The following WNT4 variants were observed in gnomAD, a reference collection of about 807,000 sequenced individuals.
The protein encoded by WNT4 is Wnt family member 4, also known as protein Wnt-4.
In WNT4, 16 loss-of-function variants were observed where a neutral mutation model predicts 34.5. The ratio of observed to expected loss-of-function variants is 0.46; its 90% confidence interval spans 0.31 to 0.70. WNT4 has a LOEUF of 0.70. Among genes scored for constraint, WNT4 ranks in the 30% least tolerant of loss-of-function variants. The pLI is 0.04. For synonymous variants in WNT4, 200 were observed against 211.9 expected, an observed-to-expected ratio of 0.94 and a Z score of 0.49; for missense variants, 379 against 495.9, an observed-to-expected ratio of 0.76 and a Z score of 2.24.
chr1:22,134,873 GC>G lies in WNT4; in HGVS notation c.78-5023del, dbSNP rs1181380916. On this transcript the variant is annotated intron_variant, in intron 1 of 4. Coordinates refer to ENST00000290167, the MANE Select transcript of WNT4 (RefSeq NM_030761.5). The surrounding 1 kb of genome is among the most constrained non-coding windows in gnomAD (Gnocchi z 4.1). Reference sequence around the variant, plus strand: ...TGTGTTTTTTTGCTTGGGTCTCTTGGCCCTCTTAGTCCTGGGTTCCCAGTCT... The same window carrying G: ...TGTGTTTTTTTGCTTGGGTCTCTTGGCCTCTTAGTCCTGGGTTCCCAGTCT... 2.0e-5 allele frequency among the ~76,000 whole-genome samples: 3 copies of G among 152,052 alleles called. No homozygotes were observed. Among genetic ancestry groups the G allele is most frequent in the African/African-American group, 4.8e-5 (2 of 41,374 alleles).
rs754285206 is a variant in WNT4 at position 22,142,311 on chromosome 1, C to G, written c.77+535G>C. ...GCCCTGGGAGACCAGGCGTCCTGGT[C>G]CCTTCCTTCTGTCTCCGGCTCCCGC... On this transcript the variant is annotated intron_variant, in intron 1 of 4. Transcript: ENST00000290167. This position sits in a 1 kb window ranked among gnomAD's most constrained non-coding sequence, Gnocchi z 6.0. Among the ~76,000 whole-genome samples the G allele has an allele frequency of 4.6e-5, 7 of 152,078 alleles. No homozygotes were observed. The highest frequency in any genetic ancestry group is 2.6e-4 in the Admixed American group (4 of 15,284).
chr1:22,130,610 A>C (rs1645975930), intron 1 of WNT4, among the ~76,000 whole-genome samples: 1 of 152,252 alleles, frequency 6.6e-6, no homozygotes, highest in African/African-American at 2.4e-5. Flanking sequence ...GAAGCTGCAC[A>C]AATTTCTTGT....
rs568800348 is a variant in WNT4, at chr1:22,120,737, G to A, written c.589-220C>T. Among the ~76,000 whole-genome samples, 68 of 152,338 alleles carry A rather than the reference G, an allele frequency of 4.5e-4. 1 individual carries two copies. In the South Asian group the frequency reaches 0.012, roughly 26 times the overall value. On this transcript the variant is annotated intron_variant, in intron 4 of 4. Transcript: ENST00000290167. ...CCCTGCACTTGGGGCACTGGGAGTT[G>A]AAGAAAGAGAAGCACTAAGGGTGGT...
chr1:22,127,246 C>A, intron 2 of WNT4: 1 of 496,880 alleles, frequency 2.0e-6, no homozygotes. Context: ...GAGCAGGTAC[C>A]ACCCAGGCCT....
chr1:22,135,397 C>T (rs954805634), intron 1 of WNT4, among the ~76,000 whole-genome samples: 8 of 152,222 alleles, frequency 5.3e-5, no homozygotes, highest in Admixed American at 3.9e-4. Context: ...GATTTGAAAA[C>T]GGGTCACTCT....
In WNT4 at chr1:22,119,941, G is replaced by C. The variant is rs1645879785; in HGVS notation, c.*109C>G. The stretch of plus-strand genomic sequence containing the variant: ...ACATGAGGACCCAAAAACCAAACCA[G>C]AACAAAAAATACAACCAGTATCTCT... On this transcript the variant is annotated 3_prime_UTR_variant, in exon 5 of 5. Transcript: ENST00000290167. 7.1e-7 allele frequency: 1 copy of C among 1,411,176 alleles called. No individual in the cohort carries two copies. Among genetic ancestry groups the C allele is most frequent in the South Asian group, 1.3e-5 (1 of 78,372 alleles). The allele number at this position is 1,411,176 out of a possible 1,614,324, so 87.4% of individuals were successfully genotyped here.
chr1:22,127,906 G>A (rs2124115155), intron 2 of WNT4, among the ~76,000 whole-genome samples: 1 of 152,330 alleles, frequency 6.6e-6, no homozygotes, highest in East Asian at 1.9e-4. Context: ...ATATGCAAAG[G>A]GAGGAGTGAG....
At chr1:22,141,179 G>C (rs1344224452) in intron 1 of WNT4, among the ~76,000 whole-genome samples, 1 of 152,228 alleles carries the variant, frequency 6.6e-6, no homozygotes, top group Non-Finnish European at 1.5e-5. Context: ...TCAAAGATGA[G>C]ATGTTCCTGA....
intron 1 of WNT4, 40 bp from the exon 2 acceptor site, chr1:22,129,891 C>T (rs1186516026): frequency 6.2e-7 from 1 of 1,607,898 alleles, no homozygotes; most frequent in Non-Finnish European, 8.5e-7. Flanking sequence ...CCCACCTCCT[C>T]ATCTTTCCTG....
intron 2 of WNT4, among the ~76,000 whole-genome samples, chr1:22,124,092 C>T (rs911596109): frequency 1.3e-5 from 2 of 152,204 alleles, no homozygotes; most frequent in Non-Finnish European, 2.9e-5. Flanking sequence ...GAGCCCTGCT[C>T]GCTCGAGGAG....
chr1:22,140,365 G>T lies in WNT4; in HGVS notation c.77+2481C>A. 1 of 695,878 alleles carries T rather than the reference G, an allele frequency of 1.4e-6. No individual in the cohort carries two copies. The highest frequency in any genetic ancestry group is 1.8e-6 in the Non-Finnish European group (1 of 565,608). 43.1% of individuals were successfully genotyped at this position (695,878 alleles called of 1,614,324 possible). ...CAATCTTCTCATCTGTAACGGGATT[G>T]AAACGTTGTTGGGATTTAGATCATG... is the stretch of plus-strand genomic sequence containing the variant. On this transcript the variant is annotated intron_variant, in intron 1 of 4. Coordinates refer to ENST00000290167, the MANE Select transcript of WNT4 (RefSeq NM_030761.5). This position sits in a 1 kb window ranked among gnomAD's most constrained non-coding sequence, Gnocchi z 5.9.
chr1:22,136,151 CCT>C (rs1646020121), intron 1 of WNT4, among the ~76,000 whole-genome samples: 1 of 152,170 alleles, frequency 6.6e-6, no homozygotes, highest in African/African-American at 2.4e-5. Context: ...CAAAGTAGCC[CCT>C]TGGACCTGAG....
At chr1:22,141,252 C>T (rs749157798) in intron 1 of WNT4, among the ~76,000 whole-genome samples, 1 of 152,232 alleles carries the variant, frequency 6.6e-6, no homozygotes, top group African/African-American at 2.4e-5. Flanking sequence ...CTTGGACTGC[C>T]ACTTTTTTTT....
intron 2 of WNT4, among the ~76,000 whole-genome samples, chr1:22,125,643 G>A (rs1450443298): frequency 6.6e-6 from 1 of 152,170 alleles, no homozygotes; most frequent in Admixed American, 6.5e-5. Context: ...AGACCCTGAA[G>A]GGGCCTCAGA....
chr1:22,141,136 T>C (rs1646062817), intron 1 of WNT4, among the ~76,000 whole-genome samples: 2 of 152,210 alleles, frequency 1.3e-5, no homozygotes, highest in Non-Finnish European at 1.5e-5. Context: ...GCAAGTAGCT[T>C]CCACTCCCTA....
rs539821745 is a variant in WNT4, at chr1:22,139,933, C to T, written c.77+2913G>A. ...TGCCAGACGAGAGTCTAATCAACAG[C>T]TCCCAGCTTCTCTGGGCCTGCCCAG... On this transcript the variant is annotated intron_variant, in intron 1 of 4. Coordinates refer to ENST00000290167, the MANE Select transcript of WNT4 (RefSeq NM_030761.5). The surrounding 1 kb of genome is among the most constrained non-coding windows in gnomAD (Gnocchi z 4.6). Among the ~76,000 whole-genome samples the T allele has an allele frequency of 2.0e-5, 3 of 152,378 alleles. No individual in the cohort carries two copies. The East Asian group carries it at 5.8e-4, about 29-fold the overall frequency.
chr1:22,135,602 C>T (rs937800214), intron 1 of WNT4, among the ~76,000 whole-genome samples: 3 of 152,040 alleles, frequency 2.0e-5, no homozygotes, highest in Non-Finnish European at 4.4e-5. Context: ...TGGGTGGTTA[C>T]GGGACTGCCT....
At position 22,132,098 on chromosome 1, in the gene WNT4, AC is replaced by A. The variant is rs1290872873; in HGVS notation, c.78-2248del. On this transcript the variant is annotated intron_variant, in intron 1 of 4. Coordinates refer to ENST00000290167, the MANE Select transcript of WNT4 (RefSeq NM_030761.5). ...TGCAGGGGGCGCCAAGAGCCCGGCT[AC>A]TGGCTGTGGGCCAGGTCCACGTTCA... 2.0e-5 allele frequency among the ~76,000 whole-genome samples: 3 copies of A among 152,180 alleles called. No homozygotes were observed. In the East Asian group the frequency reaches 5.8e-4, roughly 29 times the overall value.
intron 1 of WNT4, among the ~76,000 whole-genome samples, chr1:22,131,893 G>C (rs1645986704): frequency 6.6e-6 from 1 of 152,208 alleles, no homozygotes; most frequent in African/African-American, 2.4e-5. Flanking sequence ...ACAAGGCCCA[G>C]GCAGGAGCTC....
Sources: gnomAD v4.1 joint callset for allele counts (sites outside exome capture counted in the v4.1 genomes callset) on GRCh38, gnomAD v4.1.1 for gene constraint, Gnocchi (gnomAD v3.1) non-coding constraint, MANE v1.5 for transcripts, NCBI Gene and HGNC (gene_info 2026-07-23, HGNC 2026-07-21) for gene names.